EXD2: variants seen among roughly 807,000 people sequenced by gnomAD.
The protein encoded by EXD2 is exonuclease 3'-5' domain containing 2.
EXD2 carries 40 observed loss-of-function variants against 62.5 expected under a neutral mutation model. The observed-to-expected ratio is 0.64, with a 90% CI of 0.50 to 0.83. The LOEUF is 0.83. Ranked by LOEUF, EXD2 falls within the 40% of genes least tolerant of loss-of-function variation. The probability of loss-of-function intolerance (pLI) is 0.00; values close to 1 mark genes in which losing one functional copy is unlikely to be tolerated. For missense variants in EXD2, 671 were observed against 761.8 expected (o/e 0.88, Z 1.40); for synonymous variants, 239 against 291.9 (o/e 0.82, Z 1.85).
chr14:69,225,892 T>C (rs1023810656), intron 3 of EXD2, among the ~76,000 whole-genome samples: 1 of 152,230 alleles, frequency 6.6e-6, no homozygotes, highest in South Asian at 2.1e-4. Context: ...GGATTCCTAG[T>C]GAGAAAACTT....
At position 69,225,879 on chromosome 14, in the gene EXD2, T is replaced by A. The variant is rs534093921; in HGVS notation, c.334-2937T>A. The stretch of plus-strand genomic sequence containing the variant: ...TATGTACCTAGTGGAATCATAAACA[T>A]TTGGATTCCTAGTGAGAAAACTTTG... On this transcript the variant is annotated intron_variant, in intron 3 of 9. Coordinates refer to ENST00000685843, the MANE Select transcript of EXD2 (RefSeq NM_001193360.2). 2.5e-4 allele frequency among the ~76,000 whole-genome samples: 38 copies of A among 152,360 alleles called. 2 individuals carry two copies. In the South Asian group the frequency reaches 5.4e-3, roughly 22 times the overall value.
chr14:69,228,496 T>C (rs2043446956), intron 3 of EXD2, among the ~76,000 whole-genome samples: 1 of 152,120 alleles, frequency 6.6e-6, no homozygotes, highest in South Asian at 2.1e-4. Flanking sequence ...CCAGCCTCCT[T>C]AGCCTTTTAA....
intron 2 of EXD2, among the ~76,000 whole-genome samples, chr14:69,205,353 A>G (rs866242101): frequency 1.1e-4 from 17 of 152,102 alleles, no homozygotes; most frequent in African/African-American, 4.1e-4. Context: ...GCTTCGCCTC[A>G]GTATGTTTTC....
chr14:69,212,465 C>T (rs972334988), intron 3 of EXD2, among the ~76,000 whole-genome samples: 2 of 151,776 alleles, frequency 1.3e-5, no homozygotes, highest in African/African-American at 4.8e-5. Flanking sequence ...CTTTCCTTTT[C>T]ATTCACTTTT....
At chr14:69,238,219 G>A (rs1013024847) in intron 9 of EXD2, among the ~76,000 whole-genome samples, 1 of 152,178 alleles carries the variant, frequency 6.6e-6, no homozygotes, top group Admixed American at 6.5e-5. Context: ...GAGTGCAGTT[G>A]TGGTGGAGCT....
Position 69,241,191 on chromosome 14 carries a change from A to ACACAGGCTTTGACAATT in EXD2, c.*91_*92insCACAGGCTTTGACAATT. 9.5e-7 allele frequency: 1 copy of ACACAGGCTTTGACAATT among 1,052,690 alleles called. No individual in the cohort carries two copies. Among genetic ancestry groups the ACACAGGCTTTGACAATT allele is most frequent in the Non-Finnish European group, 1.4e-6 (1 of 723,796 alleles). 65.2% of individuals were successfully genotyped at this position (1,052,690 alleles called of 1,614,324 possible). On this transcript the variant is annotated 3_prime_UTR_variant, in exon 10 of 10. Transcript: ENST00000685843. ...CCATTTTAGTACATCATTAATTGTCAAAGCCTGTGTGACACAACTCAGAAT... is the reference window on the plus strand; with the variant it reads ...CCATTTTAGTACATCATTAATTGTCACACAGGCTTTGACAATTAAGCCTGTGTGACACAACTCAGAAT...
intron 3 of EXD2, among the ~76,000 whole-genome samples, chr14:69,226,387 G>A (rs1266233451): frequency 6.6e-5 from 10 of 152,208 alleles, no homozygotes; most frequent in Non-Finnish European, 2.9e-5. Context: ...ATAAAGCAGT[G>A]CCTAAGAAGG....
chr14:69,235,621 A>G, intron 6 of EXD2: 1 of 266,124 alleles, frequency 3.8e-6, no homozygotes. Context: ...TGGATGATTA[A>G]ATTGAAGGAA....
intron 1 of EXD2, among the ~76,000 whole-genome samples, chr14:69,196,989 A>G (rs1206660919): frequency 1.3e-5 from 2 of 152,068 alleles, no homozygotes; most frequent in Admixed American, 6.6e-5. Flanking sequence ...TTGGATTTGC[A>G]TTTCCCTAAC....
rs542091740 is a variant in EXD2 at position 69,218,536 on chromosome 14, G to A, written c.333+8733G>A. The stretch of plus-strand genomic sequence containing the variant: ...GTGCAGAAGCTCTTTAGTTTAATTA[G>A]ATCCCATTTGTCAATTTTGTCTTTG... On this transcript the variant is annotated intron_variant, in intron 3 of 9. Transcript: ENST00000685843. Among the ~76,000 whole-genome samples, 811 of 152,236 alleles carry A rather than the reference G, an allele frequency of 5.3e-3. 8 individuals are homozygous for A. Among genetic ancestry groups the A allele is most frequent in the African/African-American group, 0.019 (786 of 41,548 alleles).
chr14:69,197,231 A>G (rs890716987), intron 1 of EXD2, among the ~76,000 whole-genome samples: 3 of 152,252 alleles, frequency 2.0e-5, no homozygotes, highest in Non-Finnish European at 2.9e-5. Context: ...TAAAAAATAT[A>G]TTAAAAAATA....
At chr14:69,232,370 A>G (rs1488818932) in intron 5 of EXD2, among the ~76,000 whole-genome samples, 1 of 151,792 alleles carries the variant, frequency 6.6e-6, no homozygotes, top group Non-Finnish European at 1.5e-5. Flanking sequence ...TGTGGCTCAA[A>G]CTCATTTGAA....
At position 69,237,442 on chromosome 14, in the gene EXD2, T is replaced by C. The variant is rs113956977; in HGVS notation, c.1293-133T>C. 3.1e-3 allele frequency: 2,330 copies of C among 747,244 alleles called. 9 individuals are homozygous for C. The highest frequency in any genetic ancestry group is 3.5e-3 in the Non-Finnish European group (1,492 of 428,232). The allele number at this position is 747,244 out of a possible 1,614,324, so 46.3% of individuals were successfully genotyped here. A position where few individuals can be genotyped will look rare whatever the true frequency, so the allele number is the denominator to read the frequency against. ...GGTGATACTGCCTTTCTGTGATCTG[T>C]GTTGGGCGGTGGTGCCCAAGGCTTC... On this transcript the variant is annotated intron_variant, in intron 8 of 9. Transcript: ENST00000685843.
At chr14:69,222,483 C>T (rs559195683) in intron 3 of EXD2, among the ~76,000 whole-genome samples, 10 of 152,280 alleles carry the variant, frequency 6.6e-5, no homozygotes, top group Non-Finnish European at 1.0e-4. Context: ...TATTTGGACT[C>T]GTTATTCTTG....
chr14:69,208,210 AT>A (rs11446992), intron 2 of EXD2, among the ~76,000 whole-genome samples: 64 of 112,554 alleles, frequency 5.7e-4, no homozygotes, highest in Non-Finnish European at 5.8e-4. Context: ...GCCACTTACT[AT>A]TTTTTTTTTT....
rs905671106 is a variant in EXD2 at position 69,241,404 on chromosome 14, C to G, written c.*304C>G. 1.2e-5 allele frequency: 4 copies of G among 323,330 alleles called. No homozygotes were observed. Among genetic ancestry groups the G allele is most frequent in the African/African-American group, 8.4e-5 (4 of 47,764 alleles). The allele number at this position is 323,330 out of a possible 1,614,324, so 20.0% of individuals were successfully genotyped here. ...CTGTGCAGAGGAAAAATGAAGAATT[C>G]TCCCAGAAGTGACTTGTCAAGACTT... On this transcript the variant is annotated 3_prime_UTR_variant, in exon 10 of 10. Coordinates refer to ENST00000685843, the MANE Select transcript of EXD2 (RefSeq NM_001193360.2).
intron 1 of EXD2, among the ~76,000 whole-genome samples, chr14:69,201,843 C>T (rs553589376): frequency 3.9e-4 from 60 of 151,950 alleles, no homozygotes; most frequent in African/African-American, 1.1e-3. Context: ...CCACCACACC[C>T]GGCTAATTTT....
In EXD2 at chr14:69,230,212, C is replaced by T. The variant is rs61143090; in HGVS notation, c.591-260C>T. 5.1e-3 allele frequency among the ~76,000 whole-genome samples: 777 copies of T among 152,318 alleles called. 6 individuals are homozygous for T. Among genetic ancestry groups the T allele is most frequent in the African/African-American group, 0.018 (742 of 41,574 alleles). On this transcript the variant is annotated intron_variant, in intron 4 of 9. Transcript: ENST00000685843. Reference sequence around the variant, plus strand: ...ACCTTTGGCACAGTACTAAGCCTCTCTGTTCCTCAGTTTCCTCATCTGTAA... The same window carrying T: ...ACCTTTGGCACAGTACTAAGCCTCTTTGTTCCTCAGTTTCCTCATCTGTAA...
At chr14:69,237,976 T>G in intron 9 of EXD2, 45 bp downstream of exon 9, 1 of 1,487,786 alleles carries the variant, frequency 6.7e-7, no homozygotes, top group Non-Finnish European at 9.0e-7. Context: ...ACATTAACCC[T>G]CATTACTTAG....
Sources: allele counts gnomAD v4.1 joint callset (sites outside exome capture counted in the v4.1 genomes callset), GRCh38; gene constraint gnomAD v4.1.1; transcripts MANE v1.5; gene names NCBI Gene and HGNC (gene_info 2026-07-23, HGNC 2026-07-21).